Variants in NRG3 observed in about 807,000 individuals in gnomAD.
The protein encoded by NRG3 is pro-neuregulin-3, membrane-bound isoform.
NRG3 carries 31 observed loss-of-function variants against 66.9 expected under a neutral mutation model. The observed-to-expected ratio is 0.46, with a 90% CI of 0.35 to 0.63. NRG3 has a LOEUF of 0.63. NRG3 is among the 20% of genes least tolerant of loss of function. The pLI is 0.00. For synonymous variants in NRG3, 393 were observed against 359.4 expected (o/e 1.09, Z -1.06); for missense variants, 910 against 878.9 (o/e 1.04, Z -0.45).
In NRG3 at chr10:82,829,033, T is replaced by C. The variant is rs560753942; in HGVS notation, c.1028-36378T>C. 1.2e-3 allele frequency among the ~76,000 whole-genome samples: 188 copies of C among 152,272 alleles called. 1 individual carries two copies. The highest frequency in any genetic ancestry group is 2.0e-3 in the Non-Finnish European group (137 of 68,008). On this transcript the variant is annotated intron_variant, in intron 3 of 8. Coordinates refer to ENST00000372141, the MANE Select transcript of NRG3 (RefSeq NM_001010848.4). ...TAGTAAATTTTTTAAAGCCTTTTTG[T>C]TTGTTTGTTTGACAGCCTGTGCTGC...
At chr10:82,969,376 A>T (rs1209344232) in intron 6 of NRG3, among the ~76,000 whole-genome samples, 2 of 152,178 alleles carry the variant, frequency 1.3e-5, no homozygotes, top group East Asian at 3.9e-4. Context: ...CATTCATCTG[A>T]CTTTTTCCAT....
chr10:82,540,773 A>G (rs1481125), intron 2 of NRG3, among the ~76,000 whole-genome samples: 52,152 of 151,990 alleles, frequency 0.34, 10,184 homozygotes, highest in African/African-American at 0.54. Flanking sequence ...AAACATTAGA[A>G]TAAGAGTTAT....
In NRG3 at chr10:82,197,118, GC is replaced by G. The variant is rs148676414; in HGVS notation, c.824-161620del. ...AGAGTCAGGGTCATTCTCTGTGACT[GC>G]AGTCAAGATGAGAGCAACCAACTGG... On this transcript the variant is annotated intron_variant, in intron 1 of 8. Transcript: ENST00000372141. Among the ~76,000 whole-genome samples, 1,377 of 152,262 alleles carry G rather than the reference GC, an allele frequency of 9.0e-3. 20 individuals are homozygous for G. The highest frequency in any genetic ancestry group is 0.031 in the African/African-American group (1,307 of 41,562).
chr10:82,419,277 A>G (rs1326265744), intron 2 of NRG3, among the ~76,000 whole-genome samples: 1 of 152,226 alleles, frequency 6.6e-6, no homozygotes, highest in Non-Finnish European at 1.5e-5. Context: ...GCCACCAAGA[A>G]TTGAAAGAGA....
intron 4 of NRG3, among the ~76,000 whole-genome samples, chr10:82,946,772 A>G (rs1274545614): frequency 7.9e-5 from 12 of 152,200 alleles, no homozygotes; most frequent in African/African-American, 2.7e-4. Flanking sequence ...ATGCATATAT[A>G]TGATTTAATT....
intron 1 of NRG3, among the ~76,000 whole-genome samples, chr10:81,885,030 T>C (rs1210490227): frequency 1.3e-5 from 2 of 152,204 alleles, no homozygotes; most frequent in Non-Finnish European, 2.9e-5. Flanking sequence ...CTAGAACTTA[T>C]TCCTCTTGCA....
At chr10:82,301,487 T>G (rs1445638081) in intron 1 of NRG3, among the ~76,000 whole-genome samples, 1 of 152,096 alleles carries the variant, frequency 6.6e-6, no homozygotes, top group Non-Finnish European at 1.5e-5. Context: ...AAATTGCTGC[T>G]ATAGTATTCA....
intron 4 of NRG3, among the ~76,000 whole-genome samples, chr10:82,911,451 A>T (rs371188377): frequency 1.3e-5 from 2 of 152,028 alleles, no homozygotes; most frequent in South Asian, 4.1e-4. Context: ...TCCTATTCAG[A>T]TTATCTACTT....
At chr10:82,972,466 T>TC (rs1851860023) in intron 6 of NRG3, among the ~76,000 whole-genome samples, 2 of 152,286 alleles carry the variant, frequency 1.3e-5, no homozygotes, top group South Asian at 4.1e-4. Flanking sequence ...TAAAATATCT[T>TC]CCACTCCTTC....
chr10:82,734,257 G>C (rs2058052642), intron 2 of NRG3, among the ~76,000 whole-genome samples: 2 of 152,294 alleles, frequency 1.3e-5, no homozygotes, highest in Non-Finnish European at 2.9e-5. Context: ...AACAATGATA[G>C]AAGGGGGTGC....
intron 3 of NRG3, among the ~76,000 whole-genome samples, chr10:82,768,301 C>T (rs985203757): frequency 3.9e-5 from 6 of 152,064 alleles, no homozygotes; most frequent in African/African-American, 1.2e-4. Flanking sequence ...CAGTTGTGTC[C>T]CACACTGCAT....
intron 1 of NRG3, among the ~76,000 whole-genome samples, chr10:82,064,765 T>C (rs1564784925): frequency 1.3e-5 from 2 of 152,172 alleles, no homozygotes; most frequent in East Asian, 3.9e-4. Flanking sequence ...AGTTTAGACA[T>C]CCCCTTTAGC....
intron 4 of NRG3, among the ~76,000 whole-genome samples, chr10:82,898,254 T>C (rs142201226): frequency 6.6e-6 from 1 of 152,322 alleles, no homozygotes; most frequent in Non-Finnish European, 1.5e-5. Flanking sequence ...TTTATTGGTC[T>C]CTCCCTTTTT....
At chr10:82,755,600 G>A (rs2059045150) in intron 3 of NRG3, among the ~76,000 whole-genome samples, 1 of 152,068 alleles carries the variant, frequency 6.6e-6, no homozygotes, top group Non-Finnish European at 1.5e-5. Flanking sequence ...CACTGGGGTG[G>A]GGAGTTTCCT....
intron 4 of NRG3, among the ~76,000 whole-genome samples, chr10:82,943,520 C>T (rs888240289): frequency 6.6e-6 from 1 of 152,164 alleles, no homozygotes; most frequent in African/African-American, 2.4e-5. Context: ...GGTCCAAAGG[C>T]CAGGGAACCT....
intron 1 of NRG3, among the ~76,000 whole-genome samples, chr10:82,118,420 G>T (rs2067864089): frequency 6.6e-6 from 1 of 152,012 alleles, no homozygotes; most frequent in Non-Finnish European, 1.5e-5. Context: ...AAGAAAAGAT[G>T]AGAAGCTTTA....
At position 81,961,173 on chromosome 10, in the gene NRG3, C is replaced by T. The variant is rs184634759; in HGVS notation, c.823+85010C>T. On this transcript the variant is annotated intron_variant, in intron 1 of 8. Transcript: ENST00000372141. Reference sequence around the variant, plus strand: ...GGCAAATTATCTATATATGAATTAACATGTATAATTTAATACACATCATGA... The same window carrying T: ...GGCAAATTATCTATATATGAATTAATATGTATAATTTAATACACATCATGA... 2.1e-3 allele frequency among the ~76,000 whole-genome samples: 326 copies of T among 152,268 alleles called. 1 individual carries two copies. Among genetic ancestry groups the T allele is most frequent in the Middle Eastern group, 0.01 (3 of 294 alleles).
intron 1 of NRG3, among the ~76,000 whole-genome samples, chr10:81,967,789 C>T (rs1032303284): frequency 2.9e-4 from 44 of 152,004 alleles, no homozygotes; most frequent in Non-Finnish European, 7.4e-5. Context: ...GTCTTCATTT[C>T]CTATTCTTTC....
intron 4 of NRG3, among the ~76,000 whole-genome samples, chr10:82,903,207 G>C (rs747578774): frequency 2.6e-5 from 4 of 152,120 alleles, no homozygotes; most frequent in Admixed American, 6.6e-5. Context: ...CTGTAAAACT[G>C]TAATAAGTTT....
Sources: allele counts gnomAD v4.1 joint callset (sites outside exome capture counted in the v4.1 genomes callset), GRCh38; gene constraint gnomAD v4.1.1; transcripts MANE v1.5; gene names NCBI Gene and HGNC (gene_info 2026-07-23, HGNC 2026-07-21).